Variants in LDB2 observed in about 807,000 individuals in gnomAD.
The protein encoded by LDB2 is LIM domain-binding protein 2.
A neutral mutation model predicts 44.3 loss-of-function variants in LDB2; 12 were observed. That is an observed-to-expected ratio of 0.27 (90% CI 0.17 to 0.44). The LOEUF is 0.44. Ranked by LOEUF, LDB2 falls within the 20% of genes least tolerant of loss-of-function variation. The pLI, the probability that LDB2 is intolerant of heterozygous loss-of-function variation, is 1.00. For missense variants in LDB2, 344 were observed against 473.5 expected (o/e 0.73, Z 2.54); for synonymous variants, 164 against 174.8 (o/e 0.94, Z 0.49).
At chr4:16,804,542 G>A (rs1277924198) in intron 1 of LDB2, among the ~76,000 whole-genome samples, 1 of 152,122 alleles carries the variant, frequency 6.6e-6, no homozygotes, top group African/African-American at 2.4e-5. Flanking sequence ...TTGTTCCCAA[G>A]GAAGAAAGGG....
At chr4:16,740,655 T>C (rs920604844) in intron 2 of LDB2, among the ~76,000 whole-genome samples, 14 of 152,230 alleles carry the variant, frequency 9.2e-5, no homozygotes. Flanking sequence ...TGCTTCTCTC[T>C]TCCATTGGAG....
rs943579480 is a variant in LDB2 at position 16,565,416 on chromosome 4, C to T, written c.615+20506G>A. Among the ~76,000 whole-genome samples, 3 of 152,050 alleles carry T rather than the reference C, an allele frequency of 2.0e-5. 1 individual carries two copies. Among genetic ancestry groups the T allele is most frequent in the African/African-American group, 7.2e-5 (3 of 41,456 alleles). ...ACCGTCTCCTTGGACATCAGAGATA[C>T]ATTTGATAAAATTCGACATCCATTT... On this transcript the variant is annotated intron_variant, in intron 5 of 7. Coordinates refer to ENST00000304523, the MANE Select transcript of LDB2 (RefSeq NM_001290.5).
intron 2 of LDB2, among the ~76,000 whole-genome samples, chr4:16,667,591 C>T (rs1743636636): frequency 6.6e-6 from 1 of 152,188 alleles, no homozygotes; most frequent in Non-Finnish European, 1.5e-5. Flanking sequence ...GAGCTCCAAA[C>T]TCCAAATGCA....
intron 2 of LDB2, among the ~76,000 whole-genome samples, chr4:16,635,991 C>T (rs755528286): frequency 2.6e-5 from 4 of 152,158 alleles, no homozygotes; most frequent in Non-Finnish European, 5.9e-5. Context: ...AGTGGAGGCT[C>T]TCACTGAGAA....
chr4:16,520,251 C>T (rs1725520874), intron 5 of LDB2, among the ~76,000 whole-genome samples: 1 of 151,088 alleles, frequency 6.6e-6, no homozygotes, highest in African/African-American at 2.4e-5. Flanking sequence ...GTGAAGGAGT[C>T]TCTCTAATTA....
chr4:16,855,127 T>G (rs1471794529), intron 1 of LDB2, among the ~76,000 whole-genome samples: 2 of 152,108 alleles, frequency 1.3e-5, no homozygotes, highest in Non-Finnish European at 2.9e-5. Flanking sequence ...CCGAGATCAT[T>G]TCCAGGGATA....
chr4:16,752,594 T>C, intron 2 of LDB2: 1 of 298,968 alleles, frequency 3.3e-6, no homozygotes, highest in Non-Finnish European at 6.5e-6. Context: ...CACTCACTTA[T>C]TCTGTCATTC....
rs193110457 is a variant in LDB2, at chr4:16,819,392, A to T, written c.133-60132T>A. Among the ~76,000 whole-genome samples, 91 of 147,420 alleles carry T rather than the reference A, an allele frequency of 6.2e-4. No individual in the cohort carries two copies. The South Asian group carries it at 8.1e-3, about 13-fold the overall frequency. On this transcript the variant is annotated intron_variant, in intron 1 of 7. Coordinates refer to ENST00000304523, the MANE Select transcript of LDB2 (RefSeq NM_001290.5). The stretch of plus-strand genomic sequence containing the variant: ...ATTTTATTATTCAAACCCCAAAAAC[A>T]TTCAGTACTTTAGGTCAGATTTTGG...
chr4:16,888,655 A>G, intron 1 of LDB2: 1 of 901,508 alleles, frequency 1.1e-6, no homozygotes. Context: ...GAAATGAAGC[A>G]ATGTTTGGCA....
At chr4:16,800,833 G>A (rs1290838179) in intron 1 of LDB2, among the ~76,000 whole-genome samples, 1 of 152,060 alleles carries the variant, frequency 6.6e-6, no homozygotes, top group Non-Finnish European at 1.5e-5. Context: ...CGCCACCAAC[G>A]CCCGGCTAAC....
rs1056470055 is a variant in LDB2 at position 16,759,102 on chromosome 4, G to A, written c.235+56C>T. ...TGTGCTATTCTCTGAAGACCCCTGCGGTTTTCTTACAGGCACAAAACGAGG... is the reference window on the plus strand; with the variant it reads ...TGTGCTATTCTCTGAAGACCCCTGCAGTTTTCTTACAGGCACAAAACGAGG... On this transcript the variant is annotated intron_variant, in intron 2 of 7. Transcript: ENST00000304523. The A allele has an allele frequency of 5.9e-5, 68 of 1,151,566 alleles. No individual in the cohort carries two copies. In the African/African-American group the frequency reaches 6.3e-4, roughly 11 times the overall value. The allele number at this position is 1,151,566 out of a possible 1,614,324, so 71.3% of individuals were successfully genotyped here.
chr4:16,797,602 G>A (rs1052681554), intron 1 of LDB2, among the ~76,000 whole-genome samples: 20 of 151,952 alleles, frequency 1.3e-4, no homozygotes, highest in African/African-American at 3.6e-4. Flanking sequence ...TTACATTCTC[G>A]GGTCCTAGGG....
intron 1 of LDB2, among the ~76,000 whole-genome samples, chr4:16,844,211 G>T (rs889292155): frequency 8.2e-6 from 1 of 122,488 alleles, no homozygotes; most frequent in African/African-American, 3.2e-5. Flanking sequence ...CCCAGCCACT[G>T]CACTCTAGCC....
intron 2 of LDB2, among the ~76,000 whole-genome samples, chr4:16,620,737 T>C (rs539397633): frequency 3.9e-5 from 6 of 152,340 alleles, no homozygotes; most frequent in African/African-American, 1.4e-4. Context: ...GGAATGTGTG[T>C]TCTACTCAGC....
chr4:16,818,587 G>C (rs1781370848), intron 1 of LDB2, among the ~76,000 whole-genome samples: 1 of 152,134 alleles, frequency 6.6e-6, no homozygotes, highest in Non-Finnish European at 1.5e-5. Context: ...AATTATGTTA[G>C]GCATTTCATT....
chr4:16,836,192 T>G (rs1287205245), intron 1 of LDB2, among the ~76,000 whole-genome samples: 1 of 152,196 alleles, frequency 6.6e-6, no homozygotes, highest in East Asian at 1.9e-4. Flanking sequence ...GGTTGGTCAT[T>G]CACAAAGAAG....
At chr4:16,664,646 TAA>T (rs796308579) in intron 2 of LDB2, among the ~76,000 whole-genome samples, 13 of 152,340 alleles carry the variant, frequency 8.5e-5, no homozygotes, top group African/African-American at 2.9e-4. Flanking sequence ...ATGTGATTAC[TAA>T]AAAAATCTCC....
At chr4:16,792,699 T>C (rs545139317) in intron 1 of LDB2, among the ~76,000 whole-genome samples, 1 of 152,338 alleles carries the variant, frequency 6.6e-6, no homozygotes, top group Admixed American at 6.5e-5. Context: ...TTCCTCCCAG[T>C]TATCCATGTC....
intron 5 of LDB2, among the ~76,000 whole-genome samples, chr4:16,512,357 C>T (rs1722072638): frequency 6.6e-6 from 1 of 152,176 alleles, no homozygotes; most frequent in South Asian, 2.1e-4. Context: ...CAAACACACA[C>T]ATATACGTGT....
Sources: allele counts gnomAD v4.1 joint callset (sites outside exome capture counted in the v4.1 genomes callset), GRCh38; gene constraint gnomAD v4.1.1; transcripts MANE v1.5; gene names NCBI Gene and HGNC (gene_info 2026-07-23, HGNC 2026-07-21).